The following HMCN1 variants were observed in gnomAD, a reference collection of about 807,000 sequenced individuals.
The protein encoded by HMCN1 is hemicentin 1.
HMCN1 carries 321 observed loss-of-function variants against 625.9 expected under a neutral mutation model. That is an observed-to-expected ratio of 0.51 (90% CI 0.47 to 0.56). The LOEUF (loss-of-function observed/expected upper bound fraction) is 0.56, where lower values mean the gene tolerates loss of function less well. HMCN1 is among the 20% of genes least tolerant of loss of function. HMCN1 has a pLI of 0.00. For synonymous variants in HMCN1, 2,425 were observed against 2,417.6 expected (o/e 1.00, Z -0.09); for missense variants, 6,588 against 6,887.3 (o/e 0.96, Z 1.54).
chr1:185,946,379 T>TC lies in HMCN1; in HGVS notation c.1828+12556dup, dbSNP rs149429636. Among the ~76,000 whole-genome samples, 1,383 of 152,324 alleles carry TC rather than the reference T, an allele frequency of 9.1e-3. 27 individuals carry two copies. The highest frequency in any genetic ancestry group is 0.031 in the African/African-American group (1,307 of 41,562). On this transcript the variant is annotated intron_variant, in intron 11 of 106. Transcript: ENST00000271588. ...GATAGGCAAAATATGTTGCTGTTATTCAGTCTGTATTAGGAGACACATGTA... is the reference window on the plus strand; with the variant it reads ...GATAGGCAAAATATGTTGCTGTTATTCCAGTCTGTATTAGGAGACACATGTA...
chr1:185,850,160 A>G (rs1662078843), intron 2 of HMCN1, among the ~76,000 whole-genome samples: 1 of 152,158 alleles, frequency 6.6e-6, no homozygotes. Flanking sequence ...GTAGACTTTC[A>G]ATAGCTGTTG....
intron 28 of HMCN1, among the ~76,000 whole-genome samples, chr1:186,002,494 A>C (rs1192151195): frequency 6.6e-6 from 1 of 152,102 alleles, no homozygotes; most frequent in Non-Finnish European, 1.5e-5. Context: ...AGGCTTCTCA[A>C]AGCCTGAAAT....
At chr1:186,043,269 A>C (rs1656328874) in intron 40 of HMCN1, among the ~76,000 whole-genome samples, 1 of 152,164 alleles carries the variant, frequency 6.6e-6, no homozygotes, top group African/African-American at 2.4e-5. Context: ...TAGGAAGCTG[A>C]GGATCTAAAG....
In HMCN1 at chr1:185,989,005, CTTTTT is replaced by C. The variant is rs569764243; in HGVS notation, c.3049-467_3049-463del. Among the ~76,000 whole-genome samples, 39 of 117,556 alleles carry C rather than the reference CTTTTT, an allele frequency of 3.3e-4. No homozygotes were observed. In the East Asian group the frequency reaches 6.7e-3, roughly 20 times the overall value. The allele number at this position is 117,556 out of a possible 152,430, so 77.1% of individuals were successfully genotyped here. A position where few individuals can be genotyped will look rare whatever the true frequency, so the allele number is the denominator to read the frequency against. ...GTATGGAGAAATATCACTTTTAGTA[CTTTTT>C]TTTTTTTTTTTTTTTGAGATGGAGT... On this transcript the variant is annotated intron_variant, in intron 20 of 106. Coordinates refer to ENST00000271588, the MANE Select transcript of HMCN1 (RefSeq NM_031935.3).
Position 186,178,528 on chromosome 1 carries a change from A to G in HMCN1, c.16056A>G (p.Lys5352=). 6.2e-7 allele frequency: 1 copy of G among 1,614,100 alleles called. No homozygotes were observed. Among genetic ancestry groups the G allele is most frequent in the Non-Finnish European group, 8.5e-7 (1 of 1,179,986 alleles). Reference sequence around the variant, plus strand: ...GACAACATTTATTAGGGGACGGGAAATCTTGCGCTGGATTGGAGAGGCTGC... The same window carrying G: ...GACAACATTTATTAGGGGACGGGAAGTCTTGCGCTGGATTGGAGAGGCTGC... ...PPGQHLLGDG[K]SCAGLERLPN... Residue 5352 remains lysine (K), a synonymous_variant, in exon 104 of 107, where the codon AAA becomes AAG. Transcript: ENST00000271588.
intron 40 of HMCN1, among the ~76,000 whole-genome samples, chr1:186,044,234 C>A (rs1315193337): frequency 6.6e-6 from 1 of 152,082 alleles, no homozygotes; most frequent in Non-Finnish European, 1.5e-5. Context: ...ATTACTTTAA[C>A]CTTATCGAGA....
intron 82 of HMCN1, among the ~76,000 whole-genome samples, chr1:186,127,533 A>C (rs1661707010): frequency 6.6e-6 from 1 of 152,116 alleles, no homozygotes; most frequent in Non-Finnish European, 1.5e-5. Context: ...AGTGTCCTGG[A>C]AACCATGTAA....
chr1:185,753,789 G>A (rs1236880124), intron 1 of HMCN1, among the ~76,000 whole-genome samples: 1 of 152,190 alleles, frequency 6.6e-6, no homozygotes, highest in African/African-American at 2.4e-5. Flanking sequence ...TTCTAAGGAT[G>A]TGGTGGATAG....
intron 4 of HMCN1, among the ~76,000 whole-genome samples, chr1:185,879,202 A>T (rs1194839643): frequency 4.6e-5 from 7 of 151,948 alleles, no homozygotes; most frequent in African/African-American, 1.7e-4. Flanking sequence ...ACAGGGTCTT[A>T]CTCTGTTGCA....
At chr1:185,820,297 A>C (rs1342888326) in intron 1 of HMCN1, among the ~76,000 whole-genome samples, 1 of 152,176 alleles carries the variant, frequency 6.6e-6, no homozygotes, top group Admixed American at 6.6e-5. Flanking sequence ...GAAGGATACC[A>C]ACTCCATATT....
chr1:186,170,159 C>G (rs946901660), intron 100 of HMCN1, among the ~76,000 whole-genome samples: 1 of 152,042 alleles, frequency 6.6e-6, no homozygotes, highest in Non-Finnish European at 1.5e-5. Flanking sequence ...ATTAAAAAGT[C>G]AGGAAACAAC....
At chr1:185,807,508 C>T (rs1659244686) in intron 1 of HMCN1, among the ~76,000 whole-genome samples, 1 of 152,170 alleles carries the variant, frequency 6.6e-6, no homozygotes, top group Non-Finnish European at 1.5e-5. Flanking sequence ...CACAGGAATA[C>T]ACATAAACAT....
chr1:185,840,802 C>A (rs1302794311), intron 1 of HMCN1, among the ~76,000 whole-genome samples: 1 of 152,030 alleles, frequency 6.6e-6, no homozygotes, highest in Non-Finnish European at 1.5e-5. Flanking sequence ...CTTGTTTTAG[C>A]TTTTCATATA....
chr1:185,777,965 T>C (rs990329948), intron 1 of HMCN1, among the ~76,000 whole-genome samples: 1 of 152,202 alleles, frequency 6.6e-6, no homozygotes, highest in Middle Eastern at 3.2e-3. Context: ...TGAAAGGGGC[T>C]GTGGCTGTCT....
chr1:186,032,975 A>G (rs946038109), intron 36 of HMCN1, among the ~76,000 whole-genome samples: 3 of 152,092 alleles, frequency 2.0e-5, no homozygotes, highest in African/African-American at 4.8e-5. Context: ...CATGTTTACA[A>G]CAGCACAATT....
At chr1:185,826,818 C>T (rs574694116) in intron 1 of HMCN1, among the ~76,000 whole-genome samples, 1 of 152,280 alleles carries the variant, frequency 6.6e-6, no homozygotes, top group African/African-American at 2.4e-5. Flanking sequence ...AATATGTCTC[C>T]ATTCCCTTCG....
At chr1:186,009,271 G>A (rs1409468576) in intron 30 of HMCN1, among the ~76,000 whole-genome samples, 11 of 152,072 alleles carry the variant, frequency 7.2e-5, no homozygotes, top group Admixed American at 7.2e-4. Context: ...AGATCCTCTT[G>A]TTCACTCTGT....
intron 11 of HMCN1, among the ~76,000 whole-genome samples, chr1:185,955,189 C>A (rs1417067558): frequency 6.6e-6 from 1 of 152,112 alleles, no homozygotes; most frequent in Admixed American, 6.6e-5. Context: ...CCATTCCAAT[C>A]CATCTTCCAC....
intron 4 of HMCN1, among the ~76,000 whole-genome samples, chr1:185,874,292 C>T (rs1362380497): frequency 6.6e-6 from 1 of 151,946 alleles, no homozygotes; most frequent in Non-Finnish European, 1.5e-5. Flanking sequence ...TCGTTGCTTG[C>T]ATTTGGTTCA....
Sources: allele counts gnomAD v4.1 joint callset (sites outside exome capture counted in the v4.1 genomes callset), GRCh38; gene constraint gnomAD v4.1.1; transcripts MANE v1.5; gene names NCBI Gene and HGNC (gene_info 2026-07-23, HGNC 2026-07-21).